PDE11A: variants seen among roughly 807,000 people sequenced by gnomAD.
PDE11A encodes phosphodiesterase 11A.
PDE11A carries 100 observed loss-of-function variants against 100.5 expected under a neutral mutation model. That is an observed-to-expected ratio of 1.00 (90% CI 0.85 to 1.18). The LOEUF is 1.18. Ranked by LOEUF, PDE11A falls within the 50% of genes most tolerant of loss-of-function variation. The probability of loss-of-function intolerance (pLI) is 0.00; values close to 1 mark genes in which losing one functional copy is unlikely to be tolerated. For missense variants in PDE11A, 1,141 were observed against 1,152.6 expected, an observed-to-expected ratio of 0.99 and a Z score of 0.15; for synonymous variants, 381 against 420.8, an observed-to-expected ratio of 0.91 and a Z score of 1.16.
chr2:177,994,822 C>G (rs910445951), intron 2 of PDE11A, among the ~76,000 whole-genome samples: 1 of 148,782 alleles, frequency 6.7e-6, no homozygotes, highest in African/African-American at 2.5e-5. Flanking sequence ...TTTTTAATTA[C>G]AAAAAGAAAT....
chr2:177,669,573 A>T lies in PDE11A; in HGVS notation c.2488-6T>A. ...CTGGTTACAAGTTCTGCCACCTGAA[A>T]CATATAAATATTTTAATCTGTGATT... On this transcript the variant is annotated splice_polypyrimidine_tract_variant and splice_region_variant and intron_variant, in intron 17 of 19. Transcript: ENST00000286063. The T allele has an allele frequency of 6.1e-6, 8 of 1,315,064 alleles. No individual in the cohort carries two copies. Among genetic ancestry groups the T allele is most frequent in the Non-Finnish European group, 8.8e-6 (8 of 907,812 alleles). The allele number at this position is 1,315,064 out of a possible 1,614,324, so 81.5% of individuals were successfully genotyped here. A position where few individuals can be genotyped will look rare whatever the true frequency, so the allele number is the denominator to read the frequency against.
At chr2:177,866,153 G>T (rs1219966658) in intron 5 of PDE11A, among the ~76,000 whole-genome samples, 1 of 152,118 alleles carries the variant, frequency 6.6e-6, no homozygotes, top group Non-Finnish European at 1.5e-5. Flanking sequence ...CAAGTGCTGT[G>T]GCCATGGAGA....
intron 12 of PDE11A, among the ~76,000 whole-genome samples, chr2:177,723,990 G>A (rs963265932): frequency 6.6e-6 from 1 of 151,932 alleles, no homozygotes; most frequent in Non-Finnish European, 1.5e-5. Flanking sequence ...TATTTATTAT[G>A]TATGTGCATG....
At chr2:178,024,896 T>C (rs1056588265) in intron 1 of PDE11A, among the ~76,000 whole-genome samples, 8 of 152,244 alleles carry the variant, frequency 5.3e-5, no homozygotes, top group African/African-American at 1.7e-4. Context: ...GAAAATTGAT[T>C]AGTCTTTAAT....
chr2:177,958,982 T>C (rs1330311441), intron 2 of PDE11A, among the ~76,000 whole-genome samples: 2 of 152,224 alleles, frequency 1.3e-5, no homozygotes, highest in Non-Finnish European at 2.9e-5. Context: ...GTTGCTGTTC[T>C]CCAGTAGCTT....
At chr2:177,923,446 C>A (rs1233312581) in intron 2 of PDE11A, among the ~76,000 whole-genome samples, 1 of 152,090 alleles carries the variant, frequency 6.6e-6, no homozygotes, top group Non-Finnish European at 1.5e-5. Context: ...ATGAATAAGA[C>A]CTTGAATGAG....
chr2:177,664,664 A>C (rs924425107), intron 18 of PDE11A, among the ~76,000 whole-genome samples: 1 of 152,216 alleles, frequency 6.6e-6, no homozygotes, highest in Non-Finnish European at 1.5e-5. Flanking sequence ...TGTTAAAATT[A>C]ATTCACTGAA....
In PDE11A at chr2:177,929,029, T is replaced by C. The variant is rs576367631; in HGVS notation, c.1072-23842A>G. ...GATGATTAAAAAAAATGAAATCTTTTTTCTTCAAAAGACTTGCTGGAGTTT... is the reference window on the plus strand; with the variant it reads ...GATGATTAAAAAAAATGAAATCTTTCTTCTTCAAAAGACTTGCTGGAGTTT... On this transcript the variant is annotated intron_variant, in intron 2 of 19. Coordinates refer to ENST00000286063, the MANE Select transcript of PDE11A (RefSeq NM_016953.4). Among the ~76,000 whole-genome samples the C allele has an allele frequency of 5.3e-5, 8 of 152,328 alleles. No homozygotes were observed. The South Asian group carries it at 1.7e-3, about 32-fold the overall frequency.
At position 177,625,305 on chromosome 2, in the gene PDE11A, C is replaced by T. The variant is rs1209593254; in HGVS notation, c.*4102G>A. On this transcript the variant is annotated 3_prime_UTR_variant, in exon 20 of 20. Coordinates refer to ENST00000286063, the MANE Select transcript of PDE11A (RefSeq NM_016953.4). ...TCTTTAAAGCTAAACACGTCTTGGT[C>T]CTTTGGTGTGGGGACTGAATAAAAG... is the stretch of plus-strand genomic sequence containing the variant. The T allele has an allele frequency of 6.6e-6, 1 of 152,492 alleles. No homozygotes were observed. The highest frequency in any genetic ancestry group is 1.9e-4 in the East Asian group (1 of 5,190). 9.4% of individuals were successfully genotyped at this position (152,492 alleles called of 1,614,324 possible).
At chr2:177,777,424 T>C (rs1217949115) in intron 9 of PDE11A, among the ~76,000 whole-genome samples, 1 of 152,186 alleles carries the variant, frequency 6.6e-6, no homozygotes, top group Non-Finnish European at 1.5e-5. Flanking sequence ...TTTATATACA[T>C]AAATAATATT....
chr2:178,053,567 T>A (rs1053007947), intron 1 of PDE11A, among the ~76,000 whole-genome samples: 1 of 152,146 alleles, frequency 6.6e-6, no homozygotes, highest in African/African-American at 2.4e-5. Flanking sequence ...AAAGAGGAAG[T>A]CAAATTGTCC....
At chr2:177,732,027 A>G (rs1340097606) in intron 10 of PDE11A, among the ~76,000 whole-genome samples, 1 of 152,240 alleles carries the variant, frequency 6.6e-6, no homozygotes, top group Non-Finnish European at 1.5e-5. Flanking sequence ...CCAAAAATAA[A>G]TGAAGTTATC....
At chr2:177,643,053 C>T (rs2080167819) in intron 19 of PDE11A, among the ~76,000 whole-genome samples, 1 of 152,206 alleles carries the variant, frequency 6.6e-6, no homozygotes, top group Non-Finnish European at 1.5e-5. Flanking sequence ...CCTTAAACCT[C>T]TCTTTCTTTT....
chr2:177,681,185 T>C (rs1375663822), intron 15 of PDE11A, among the ~76,000 whole-genome samples: 4 of 152,194 alleles, frequency 2.6e-5, no homozygotes, highest in African/African-American at 9.6e-5. Flanking sequence ...TTTAGGATTA[T>C]GTGCTGTGAA....
chr2:177,916,750 T>A (rs2084958803), intron 2 of PDE11A, among the ~76,000 whole-genome samples: 1 of 145,726 alleles, frequency 6.9e-6, no homozygotes, highest in South Asian at 2.2e-4. Context: ...TTTTATTTTA[T>A]TATTATTTTA....
chr2:177,980,753 A>T (rs941810914), intron 2 of PDE11A, among the ~76,000 whole-genome samples: 1 of 150,668 alleles, frequency 6.6e-6, no homozygotes. Flanking sequence ...GTGGGCGAAA[A>T]GGCCAATAAG....
Position 177,625,700 on chromosome 2 carries a change from A to G in PDE11A, c.*3707T>C, listed in dbSNP as rs1344884100. The G allele has an allele frequency of 6.6e-6, 1 of 152,298 alleles. No homozygotes were observed. The highest frequency in any genetic ancestry group is 2.4e-5 in the African/African-American group (1 of 41,470). 9.4% of individuals were successfully genotyped at this position (152,298 alleles called of 1,614,324 possible). Reference sequence around the variant, plus strand: ...TTTCTCCAATAGGAAATAAACATTAATAATAAGGACTGGGAAACTTCCTTT... The same window carrying G: ...TTTCTCCAATAGGAAATAAACATTAGTAATAAGGACTGGGAAACTTCCTTT... On this transcript the variant is annotated 3_prime_UTR_variant, in exon 20 of 20. Transcript: ENST00000286063.
chr2:177,657,659 G>C, intron 19 of PDE11A, among the ~76,000 whole-genome samples: 1 of 151,738 alleles, frequency 6.6e-6, no homozygotes, highest in East Asian at 1.9e-4. Context: ...GAAGAGAGGA[G>C]AAAGAGAGAG....
intron 1 of PDE11A, among the ~76,000 whole-genome samples, chr2:178,021,591 A>C (rs1238186899): frequency 1.3e-5 from 2 of 152,218 alleles, no homozygotes; most frequent in Non-Finnish European, 2.9e-5. Flanking sequence ...ACAAAAGTTT[A>C]ATAATAGATG....
Sources: allele counts gnomAD v4.1 joint callset (sites outside exome capture counted in the v4.1 genomes callset), GRCh38; gene constraint gnomAD v4.1.1; transcripts MANE v1.5; gene names NCBI Gene and HGNC (gene_info 2026-07-23, HGNC 2026-07-21).